PHLPP1: variants seen among roughly 807,000 people sequenced by gnomAD.
PHLPP1 encodes the protein PH domain and leucine rich repeat protein phosphatase 1, also known as PH domain leucine-rich repeat-containing protein phosphatase 1.
In PHLPP1, 42 loss-of-function variants were observed where a neutral mutation model predicts 117.2. That is an observed-to-expected ratio of 0.36 (90% confidence interval 0.28 to 0.46). The LOEUF is 0.46. Ranked by LOEUF, PHLPP1 falls within the 20% of genes least tolerant of loss-of-function variation. The pLI is 1.00. For missense variants in PHLPP1, 2,084 were observed against 2,241.9 expected, an observed-to-expected ratio of 0.93 and a Z score of 1.42; for synonymous variants, 1,042 against 970.7, an observed-to-expected ratio of 1.07 and a Z score of -1.37.
chr18:62,738,790 A>C (rs1911440710), intron 1 of PHLPP1, among the ~76,000 whole-genome samples: 1 of 152,210 alleles, frequency 6.6e-6, no homozygotes, highest in African/African-American at 2.4e-5. Context: ...TATTGTACTC[A>C]TCTATTTTTG....
intron 9 of PHLPP1, among the ~76,000 whole-genome samples, chr18:62,917,392 T>TGTGTG (rs1909320495): frequency 1.2e-5 from 1 of 84,744 alleles, no homozygotes; most frequent in Admixed American, 1.2e-4. Flanking sequence ...TTAAACAGTA[T>TGTGTG]TCTTTGTGTG....
intron 1 of PHLPP1, among the ~76,000 whole-genome samples, chr18:62,754,995 C>G (rs942784344): frequency 2.0e-5 from 3 of 152,160 alleles, no homozygotes; most frequent in African/African-American, 7.2e-5. Flanking sequence ...TCTAGGATTT[C>G]TAATATGTGT....
At chr18:62,966,692 A>G (rs547739558) in intron 14 of PHLPP1, among the ~76,000 whole-genome samples, 1 of 152,112 alleles carries the variant, frequency 6.6e-6, no homozygotes, top group South Asian at 2.1e-4. Context: ...GATGGTCTCG[A>G]TCTCCTGACC....
chr18:62,918,216 A>G (rs1909358271), intron 9 of PHLPP1, among the ~76,000 whole-genome samples: 2 of 151,516 alleles, frequency 1.3e-5, no homozygotes, highest in South Asian at 2.1e-4. Flanking sequence ...AAAAAAAAAA[A>G]AAAAAAAAAG....
intron 2 of PHLPP1, among the ~76,000 whole-genome samples, chr18:62,830,718 G>T (rs573385810): frequency 6.6e-6 from 1 of 152,188 alleles, no homozygotes; most frequent in Non-Finnish European, 1.5e-5. Context: ...CTCATGTGAG[G>T]CCTTGATGAT....
chr18:62,912,743 C>T (rs939430157), intron 8 of PHLPP1, among the ~76,000 whole-genome samples: 6 of 152,146 alleles, frequency 3.9e-5, no homozygotes, highest in African/African-American at 1.2e-4. Context: ...CTCCAGCCTC[C>T]TGAGCAGCTG....
At chr18:62,821,485 G>A (rs1217128686) in intron 1 of PHLPP1, among the ~76,000 whole-genome samples, 1 of 145,826 alleles carries the variant, frequency 6.9e-6, no homozygotes, top group Non-Finnish European at 1.5e-5. Flanking sequence ...GGAGGCAGAG[G>A]TTGCAGTGAG....
At chr18:62,767,588 A>C (rs1912590686) in intron 1 of PHLPP1, among the ~76,000 whole-genome samples, 1 of 152,242 alleles carries the variant, frequency 6.6e-6, no homozygotes. Flanking sequence ...CCTGTGGCAT[A>C]GGCGTGAAAT....
intron 4 of PHLPP1, among the ~76,000 whole-genome samples, chr18:62,864,587 T>G (rs1020495596): frequency 3.1e-4 from 47 of 152,218 alleles, no homozygotes; most frequent in African/African-American, 1.1e-3. Context: ...TTATCTGCAT[T>G]CCTACACAAA....
chr18:62,960,682 T>C (rs1042917076), intron 13 of PHLPP1, among the ~76,000 whole-genome samples: 2 of 152,228 alleles, frequency 1.3e-5, no homozygotes, highest in African/African-American at 2.4e-5. Context: ...TGAATAACAT[T>C]TCCCCCCTCA....
In PHLPP1 at chr18:62,972,721, G is replaced by T; in HGVS notation, c.3755+13G>T. ...TTGTCATGCAAAGGTAAAACTCAGAGTTCCTGCTTACCTGCTGTGTGTTTT... is the reference window on the plus strand; with the variant it reads ...TTGTCATGCAAAGGTAAAACTCAGATTTCCTGCTTACCTGCTGTGTGTTTT... On this transcript the variant is annotated intron_variant, in intron 15 of 16. Coordinates refer to ENST00000262719, the MANE Select transcript of PHLPP1 (RefSeq NM_194449.4). The T allele has an allele frequency of 6.3e-7, 1 of 1,586,216 alleles. No homozygotes were observed. The highest frequency in any genetic ancestry group is 1.1e-5 in the South Asian group (1 of 89,902).
chr18:62,876,155 T>C (rs1487881970), intron 4 of PHLPP1, among the ~76,000 whole-genome samples: 4 of 152,128 alleles, frequency 2.6e-5, no homozygotes, highest in Admixed American at 6.5e-5. Flanking sequence ...TAGAAAAATG[T>C]AAGAGAGGAT....
intron 12 of PHLPP1, 46 bp downstream of exon 12, chr18:62,945,317 A>G (rs1380530197): frequency 6.7e-7 from 1 of 1,485,982 alleles, no homozygotes; most frequent in South Asian, 1.3e-5. Context: ...GTCGGCAAAG[A>G]AAGTTGACTT....
intron 1 of PHLPP1, among the ~76,000 whole-genome samples, chr18:62,735,606 A>AACAACAACAACAAC (rs879398373): frequency 7.4e-6 from 1 of 135,098 alleles, no homozygotes; most frequent in Non-Finnish European, 1.7e-5. Flanking sequence ...ACAACAACAA[A>AACAACAACAACAAC]ACCAGTTGAC....
At chr18:62,750,692 C>T (rs1911823226) in intron 1 of PHLPP1, among the ~76,000 whole-genome samples, 2 of 150,676 alleles carry the variant, frequency 1.3e-5, no homozygotes, top group Admixed American at 6.6e-5. Context: ...TATAGTTTAA[C>T]ATAGGGAGGG....
intron 4 of PHLPP1, among the ~76,000 whole-genome samples, chr18:62,880,082 TAAA>T (rs1568148250): frequency 6.6e-6 from 1 of 152,202 alleles, no homozygotes; most frequent in Non-Finnish European, 1.5e-5. Context: ...AAACCATGTC[TAAA>T]TCACATTTGT....
intron 3 of PHLPP1, among the ~76,000 whole-genome samples, chr18:62,859,338 G>A (rs1403737391): frequency 1.3e-5 from 2 of 152,196 alleles, no homozygotes; most frequent in Admixed American, 6.5e-5. Flanking sequence ...TGGTCAGTGC[G>A]TTTTCTGCTT....
intron 4 of PHLPP1, among the ~76,000 whole-genome samples, chr18:62,882,946 TAAAAA>T (rs35265223): frequency 8.2e-6 from 1 of 121,510 alleles, no homozygotes; most frequent in Non-Finnish European, 1.7e-5. Context: ...GACCACATCT[TAAAAA>T]AAAAAAAAAA....
intron 10 of PHLPP1, among the ~76,000 whole-genome samples, chr18:62,933,755 CTTAA>C (rs1415440868): frequency 1.3e-5 from 2 of 152,026 alleles, no homozygotes; most frequent in Admixed American, 6.6e-5. Context: ...ACAAATGGGA[CTTAA>C]TTAAACTAAA....
Sources: gnomAD v4.1 joint callset for allele counts (sites outside exome capture counted in the v4.1 genomes callset) on GRCh38, gnomAD v4.1.1 for gene constraint, MANE v1.5 for transcripts, NCBI Gene and HGNC (gene_info 2026-07-23, HGNC 2026-07-21) for gene names.